The following DNAH5 variants were observed in gnomAD, a reference collection of about 807,000 sequenced individuals.
DNAH5 encodes dynein axonemal heavy chain 5.
A neutral mutation model predicts 518.2 loss-of-function variants in DNAH5; 372 were observed. That is an observed-to-expected ratio of 0.72 (90% CI 0.66 to 0.78). The LOEUF is 0.78. Among genes scored for constraint, DNAH5 ranks in the 30% least tolerant of loss-of-function variants. The pLI, the probability that DNAH5 is intolerant of heterozygous loss-of-function variation, is 0.00. For missense variants in DNAH5, 5,523 were observed against 5,687.0 expected, an observed-to-expected ratio of 0.97 and a Z score of 0.93; for synonymous variants, 2,039 against 2,025.9, an observed-to-expected ratio of 1.01 and a Z score of -0.17.
intron 15 of DNAH5, 125 bp downstream of exon 15, chr5:13,900,081 G>T: frequency 1.1e-6 from 1 of 880,160 alleles, no homozygotes; most frequent in Non-Finnish European, 1.8e-6. Context: ...CCATGGCACT[G>T]TCCCCTCAGT....
At chr5:13,829,469 T>C in intron 38 of DNAH5, 41 bp downstream of exon 38, 4 of 1,599,264 alleles carry the variant, frequency 2.5e-6, no homozygotes, top group Non-Finnish European at 3.4e-6. Context: ...AATAGAAAAA[T>C]GAAACATGCC....
intron 47 of DNAH5, 39 bp downstream of exon 47, chr5:13,807,552 C>G: frequency 6.2e-7 from 1 of 1,605,556 alleles, no homozygotes; most frequent in Non-Finnish European, 8.5e-7. Flanking sequence ...AAGTTTATCA[C>G]AAAATTGGGC....
intron 2 of DNAH5, 57 bp downstream of exon 2, chr5:13,931,053 C>T: frequency 6.2e-7 from 1 of 1,613,010 alleles, no homozygotes; most frequent in Non-Finnish European, 8.5e-7. Context: ...AGGACTGTGT[C>T]AACAGACCAT....
chr5:14,011,012 A>G (rs1232124732), intron 1 of DNAH5, among the ~76,000 whole-genome samples: 2 of 152,072 alleles, frequency 1.3e-5, no homozygotes, highest in Admixed American at 6.5e-5. Context: ...AAAAAAAAAA[A>G]AGAGCCAGAC....
intron 46 of DNAH5, 68 bp from the exon 47 acceptor site, chr5:13,807,793 C>T: frequency 7.3e-7 from 1 of 1,375,508 alleles, no homozygotes; most frequent in Non-Finnish European, 1.0e-6. Flanking sequence ...ATTTGTCCCC[C>T]CAAAATTCAT....
At chr5:13,865,550 A>G (rs1769121052) in intron 27 of DNAH5, 118 bp downstream of exon 27, 1 of 772,268 alleles carries the variant, frequency 1.3e-6, no homozygotes, top group Non-Finnish European at 2.4e-6. Context: ...ATGGACAAGA[A>G]CAATGCAGCA....
rs181040309 is a variant in DNAH5 at position 13,838,779 on chromosome 5, C to A, written c.5882+577G>T. Among the ~76,000 whole-genome samples the A allele has an allele frequency of 2.8e-4, 43 of 152,250 alleles. No individual in the cohort carries two copies. In the East Asian group the frequency reaches 7.1e-3, roughly 25 times the overall value. On this transcript the variant is annotated intron_variant, in intron 35 of 78. Coordinates refer to ENST00000265104, the MANE Select transcript of DNAH5 (RefSeq NM_001369.3). ...TGTAGAAAAATTGTCTTCCACGAGACCAATCCCTGGTGCCAGAAAGGCTGG... is the reference window on the plus strand; with the variant it reads ...TGTAGAAAAATTGTCTTCCACGAGAACAATCCCTGGTGCCAGAAAGGCTGG...
Position 13,793,743 on chromosome 5 carries a change from T to A in DNAH5, c.8011-15A>T. 1 of 1,611,882 alleles carries A rather than the reference T, an allele frequency of 6.2e-7. No individual in the cohort carries two copies. The highest frequency in any genetic ancestry group is 8.5e-7 in the Non-Finnish European group (1 of 1,178,428). On this transcript the variant is annotated splice_polypyrimidine_tract_variant and intron_variant, in intron 48 of 78. Transcript: ENST00000265104. ...TCATTCGTAACCTACAAAAGACAAC[T>A]TTCAGAATTAAAGCATCATTCCTTT...
intron 32 of DNAH5, among the ~76,000 whole-genome samples, chr5:13,844,271 GAATACA>G (rs1275602029): frequency 4.6e-5 from 7 of 152,178 alleles, no homozygotes; most frequent in African/African-American, 1.4e-4. Context: ...GAGGGAAACT[GAATACA>G]ATATCTAACA....
At chr5:13,817,426 G>T in intron 42 of DNAH5, 122 bp downstream of exon 42, 1 of 947,360 alleles carries the variant, frequency 1.1e-6, no homozygotes, top group Non-Finnish European at 1.6e-6. Context: ...ACTGATTTAT[G>T]ACTTCTTAGT....
chr5:13,776,498 AG>A lies in DNAH5; in HGVS notation c.9313del (p.Leu3105Ter). The part of the protein sequence containing the change: ...FRNRALKFPA[L>X]ISGCTIDWFS... ...CCAGTCAATTGTGCATCCTGAAATT[AG>A]GGCAGGGAACTTCAAAGCTCTGTTT... On this transcript the variant is annotated frameshift_variant, in exon 55 of 79. Transcript: ENST00000265104. LOFTEE classifies it high-confidence loss of function. The A allele has an allele frequency of 6.2e-7, 1 of 1,613,916 alleles. No homozygotes were observed. The highest frequency in any genetic ancestry group is 2.2e-5 in the East Asian group (1 of 44,872).
At chr5:13,872,356 A>G (rs1770246941) in intron 22 of DNAH5, among the ~76,000 whole-genome samples, 1 of 152,194 alleles carries the variant, frequency 6.6e-6, no homozygotes, top group African/African-American at 2.4e-5. Context: ...TCATATAACT[A>G]GAATTGACAT....
At position 13,717,444 on chromosome 5, in the gene DNAH5, G is replaced by A; in HGVS notation, c.12576C>T (p.His4192=). The change falls in exon 73 of 79, where the codon CAC becomes CAT. Residue 4192 remains histidine (H), a synonymous_variant. Transcript: ENST00000265104. The part of the protein sequence containing the change: ...KPMLYAVAFL[H]STVQERRKFG... ...ACTTGCGCCTCTCCTGGACAGTGGA[G>A]TGCAGGAAAGCCACTGCGTACAGCA... The A allele has an allele frequency of 6.2e-7, 1 of 1,614,208 alleles. No individual in the cohort carries two copies. The highest frequency in any genetic ancestry group is 8.5e-7 in the Non-Finnish European group (1 of 1,180,032).
Position 13,900,905 on chromosome 5 carries a change from G to A in DNAH5, c.2052+347C>T, listed in dbSNP as rs540590223. The stretch of plus-strand genomic sequence containing the variant: ...ACAACAAAAGAAAATTTGAAACTTT[G>A]TTTAACAGATGTGCTAGTGTTTACT... On this transcript the variant is annotated intron_variant, in intron 14 of 78. Coordinates refer to ENST00000265104, the MANE Select transcript of DNAH5 (RefSeq NM_001369.3). Among the ~76,000 whole-genome samples the A allele has an allele frequency of 7.9e-5, 12 of 152,286 alleles. No homozygotes were observed. In the East Asian group the frequency reaches 2.1e-3, roughly 27 times the overall value.
intron 61 of DNAH5, among the ~76,000 whole-genome samples, chr5:13,756,985 G>C (rs1354759185): frequency 2.0e-5 from 3 of 152,152 alleles, no homozygotes; most frequent in Non-Finnish European, 2.9e-5. Context: ...GTGTTAGTTT[G>C]CTAAGGATAA....
At chr5:13,878,183 T>A (rs1005665518) in intron 21 of DNAH5, among the ~76,000 whole-genome samples, 1 of 151,796 alleles carries the variant, frequency 6.6e-6, no homozygotes, top group African/African-American at 2.4e-5. Context: ...CCAGAAGGGG[T>A]TAATGCTATG....
chr5:14,002,614 A>G (rs1397519197), intron 1 of DNAH5, among the ~76,000 whole-genome samples: 1 of 141,894 alleles, frequency 7.0e-6, no homozygotes, highest in Non-Finnish European at 1.5e-5. Context: ...ATAAACATAG[A>G]TCCATATTTT....
In DNAH5 at chr5:13,916,431, T is replaced by A; in HGVS notation, c.1114A>T (p.Thr372Ser). 1 of 1,559,248 alleles carries A rather than the reference T, an allele frequency of 6.4e-7. No individual in the cohort carries two copies. Reference protein sequence around the residue: ...DPLSMMDAIPTLINAIKMIYS... With the variant: ...DPLSMMDAIPSLINAIKMIYS... ...ATCATTTTAATTGCATTTATAAGTG[T>A]AGGAATAGCATCCATCATGGATAGC... The change falls in exon 9 of 79, where the codon ACA becomes TCA. Residue 372 changes from threonine (T) to serine (S), a missense_variant. Physicochemically the swap from Thr to Ser is moderately conservative, Grantham distance 58. Coordinates refer to ENST00000265104, the MANE Select transcript of DNAH5 (RefSeq NM_001369.3).
intron 69 of DNAH5, 121 bp from the exon 70 acceptor site, chr5:13,727,777 C>A: frequency 9.1e-7 from 1 of 1,103,496 alleles, no homozygotes; most frequent in Non-Finnish European, 1.3e-6. Context: ...TATTCCTTGG[C>A]TATTTTTTTA....
Sources: allele counts gnomAD v4.1 joint callset (sites outside exome capture counted in the v4.1 genomes callset), GRCh38; gene constraint gnomAD v4.1.1; transcripts MANE v1.5; gene names NCBI Gene and HGNC (gene_info 2026-07-23, HGNC 2026-07-21).